SPDYA: variants seen among roughly 807,000 people sequenced by gnomAD.
SPDYA encodes speedy/RINGO cell cycle regulator family member A.
Under a neutral mutation model 36.7 loss-of-function variants are expected in SPDYA, and 11 were observed. That is an observed-to-expected ratio of 0.30 (90% CI 0.19 to 0.50). The LOEUF is 0.50. Among genes scored for constraint, SPDYA ranks in the 20% least tolerant of loss-of-function variants. The pLI, the probability that SPDYA is intolerant of heterozygous loss-of-function variation, is 0.98. For missense variants in SPDYA, 287 were observed against 370.9 expected, an observed-to-expected ratio of 0.77 and a Z score of 1.86; for synonymous variants, 115 against 118.7, an observed-to-expected ratio of 0.97 and a Z score of 0.20.
Position 28,829,302 on chromosome 2 carries a change from A to G in SPDYA, c.535A>G (p.Arg179Gly). The change falls in exon 6 of 8, where the codon AGG becomes GGG. Residue 179 changes from arginine (R) to glycine (G), a missense_variant. Arg to Gly is a moderately radical substitution (Grantham distance 125). Transcript: ENST00000334056. ...DRIDYRAIVS[R>G]RCCEEVMAIA... ...AATTGACTATAGGGCTATTGTAAGC[A>G]GGCGATGTTGTGAGGAGGTAAGAAT... 6.2e-7 allele frequency: 1 copy of G among 1,611,364 alleles called. No individual in the cohort carries two copies. The highest frequency in any genetic ancestry group is 8.5e-7 in the Non-Finnish European group (1 of 1,179,454).
intron 6 of SPDYA, among the ~76,000 whole-genome samples, chr2:28,831,672 T>G (rs965843200): frequency 2.0e-5 from 3 of 152,206 alleles, no homozygotes; most frequent in African/African-American, 7.2e-5. Flanking sequence ...GTAAAAAATC[T>G]AGTACACTTC....
intron 7 of SPDYA, among the ~76,000 whole-genome samples, chr2:28,843,325 G>A (rs1438591662): frequency 2.0e-5 from 3 of 152,028 alleles, no homozygotes; most frequent in Admixed American, 6.6e-5. Flanking sequence ...AAGAGGGGGC[G>A]GATCACCTGA....
At chr2:28,844,409 C>A (rs1668820789) in intron 7 of SPDYA, among the ~76,000 whole-genome samples, 1 of 152,174 alleles carries the variant, frequency 6.6e-6, no homozygotes, top group Non-Finnish European at 1.5e-5. Context: ...TTGCTATACA[C>A]ATTCAGTGGA....
At chr2:28,821,204 T>C (rs1473096616) in intron 4 of SPDYA, among the ~76,000 whole-genome samples, 2 of 139,566 alleles carry the variant, frequency 1.4e-5, no homozygotes, top group East Asian at 2.0e-4. Flanking sequence ...TTTCTTTTTT[T>C]TTTTTTTTTT....
intron 1 of SPDYA, among the ~76,000 whole-genome samples, chr2:28,812,837 A>G (rs1322565594): frequency 6.8e-6 from 1 of 147,046 alleles, no homozygotes; most frequent in Non-Finnish European, 1.5e-5. Flanking sequence ...AGCCTGGGCG[A>G]CAAGAGCGAA....
intron 3 of SPDYA, among the ~76,000 whole-genome samples, chr2:28,818,818 A>G (rs1668059252): frequency 6.6e-6 from 1 of 152,230 alleles, no homozygotes; most frequent in Non-Finnish European, 1.5e-5. Flanking sequence ...TCTGAGCCAT[A>G]TGTTAAGGCA....
intron 4 of SPDYA, among the ~76,000 whole-genome samples, chr2:28,820,978 T>G (rs1668141364): frequency 6.6e-6 from 1 of 152,206 alleles, no homozygotes; most frequent in South Asian, 2.1e-4. Context: ...GTGGCTGTTC[T>G]TGTTTCTTCT....
intron 6 of SPDYA, 98 bp downstream of exon 6, chr2:28,829,417 GTTTT>G: frequency 2.3e-6 from 2 of 855,412 alleles, no homozygotes; most frequent in Non-Finnish European, 3.4e-6. Flanking sequence ...GGTATTCTGG[GTTTT>G]TTTTTTTTTT....
intron 5 of SPDYA, among the ~76,000 whole-genome samples, chr2:28,828,845 AGAC>A (rs1668401988): frequency 6.6e-6 from 1 of 152,230 alleles, no homozygotes; most frequent in African/African-American, 2.4e-5. Context: ...AACTAGCCCC[AGAC>A]TGAACATTGT....
At chr2:28,819,319 G>A (rs1250307510) in intron 4 of SPDYA, among the ~76,000 whole-genome samples, 1 of 151,912 alleles carries the variant, frequency 6.6e-6, no homozygotes, top group Non-Finnish European at 1.5e-5. Context: ...GACCAGCCTG[G>A]GCAACATAGT....
chr2:28,817,202 TACCCAAA>T (rs1230691213), intron 3 of SPDYA, among the ~76,000 whole-genome samples: 1 of 152,236 alleles, frequency 6.6e-6, no homozygotes, highest in Non-Finnish European at 1.5e-5. Flanking sequence ...ACTTTTTTAG[TACCCAAA>T]ACTCATCATC....
chr2:28,827,584 T>C (rs1668363779), intron 5 of SPDYA, among the ~76,000 whole-genome samples: 2 of 152,202 alleles, frequency 1.3e-5, no homozygotes, highest in African/African-American at 4.8e-5. Flanking sequence ...GTGAGACTTG[T>C]ACTATTTCCA....
chr2:28,834,613 C>A (rs1668549065), intron 6 of SPDYA, among the ~76,000 whole-genome samples: 1 of 152,150 alleles, frequency 6.6e-6, no homozygotes, highest in African/African-American at 2.4e-5. Flanking sequence ...TAAAAGAAGC[C>A]TGTCACAAAG....
In SPDYA at chr2:28,816,181, C is replaced by T. The variant is rs1417430229; in HGVS notation, c.167C>T (p.Ser56Phe). ...AAAAATACACATAATAACAACAAAT[C>T]TAAACGCCCCAAAGGACCTTGTCTG... The part of the protein sequence containing the change: ...FEKNTHNNNK[S>F]KRPKGPCLVI... The change falls in exon 3 of 8, where the codon TCT (serine) becomes TTT (phenylalanine). Residue 56 changes from serine (S) to phenylalanine (F), a missense_variant. Physicochemically the swap from Ser to Phe is radical, Grantham distance 155 (BLOSUM62 -2). Coordinates refer to ENST00000334056, the MANE Select transcript of SPDYA (RefSeq NM_182756.4). The T allele has an allele frequency of 6.2e-7, 1 of 1,614,008 alleles. No homozygotes were observed. Among genetic ancestry groups the T allele is most frequent in the South Asian group, 1.1e-5 (1 of 91,072 alleles).
chr2:28,833,290 C>T (rs571467849), intron 6 of SPDYA, among the ~76,000 whole-genome samples: 1 of 152,264 alleles, frequency 6.6e-6, no homozygotes, highest in South Asian at 2.1e-4. Context: ...CAGCCCTCCT[C>T]CCTTATCTCT....
intron 5 of SPDYA, 90 bp from the exon 6 acceptor site, chr2:28,829,058 T>C (rs1463153903): frequency 8.4e-7 from 1 of 1,183,466 alleles, no homozygotes; most frequent in Non-Finnish European, 1.2e-6. Flanking sequence ...TTTCATGTGT[T>C]TATAAACCAC....
intron 6 of SPDYA, among the ~76,000 whole-genome samples, chr2:28,830,353 G>A (rs1051167798): frequency 2.0e-5 from 3 of 151,692 alleles, no homozygotes; most frequent in Admixed American, 6.6e-5. Flanking sequence ...ACAGGCGCCC[G>A]CCACCATGCC....
Position 28,811,650 on chromosome 2 carries a change from CA to C in SPDYA, c.-93+710del, listed in dbSNP as rs937370865. On this transcript the variant is annotated intron_variant, in intron 1 of 7. Transcript: ENST00000334056. This position sits in a 1 kb window ranked among gnomAD's most constrained non-coding sequence, Gnocchi z 4.2. Reference sequence around the variant, plus strand: ...GCCCACAGCGAAAACCCCGTCTCTACAAAAAAATAATGAAAAAAAAAATTAA... The same window carrying C: ...GCCCACAGCGAAAACCCCGTCTCTACAAAAAATAATGAAAAAAAAAATTAA... Among the ~76,000 whole-genome samples, 1 of 151,206 alleles carries C rather than the reference CA, an allele frequency of 6.6e-6. No homozygotes were observed. Among genetic ancestry groups the C allele is most frequent in the Non-Finnish European group, 1.5e-5 (1 of 67,874 alleles).
intron 6 of SPDYA, among the ~76,000 whole-genome samples, chr2:28,833,803 A>G (rs982305255): frequency 3.3e-5 from 5 of 152,204 alleles, no homozygotes; most frequent in African/African-American, 1.2e-4. Context: ...GTGACCTTGA[A>G]TTAGGTTTCT....
Sources: allele counts gnomAD v4.1 joint callset (sites outside exome capture counted in the v4.1 genomes callset), GRCh38; gene constraint gnomAD v4.1.1; non-coding constraint Gnocchi (gnomAD v3.1); transcripts MANE v1.5; gene names NCBI Gene and HGNC (gene_info 2026-07-23, HGNC 2026-07-21).